Variants in ZC3H7A observed in about 807,000 individuals in gnomAD.
ZC3H7A encodes zinc finger CCCH domain-containing protein 7A.
ZC3H7A carries 44 observed loss-of-function variants against 125.5 expected under a neutral mutation model. That is an observed-to-expected ratio of 0.35 (90% CI 0.28 to 0.45). ZC3H7A has a LOEUF of 0.45. Ranked by LOEUF, ZC3H7A falls within the 20% of genes least tolerant of loss-of-function variation. The pLI is 1.00. For missense variants in ZC3H7A, 977 were observed against 1,170.7 expected (o/e 0.83, Z 2.41); for synonymous variants, 399 against 391.2 (o/e 1.02, Z -0.23).
At chr16:11,761,693 C>A in intron 18 of ZC3H7A, 182 bp from the exon 19 acceptor site, 1 of 838,406 alleles carries the variant, frequency 1.2e-6, no homozygotes, top group Non-Finnish European at 1.8e-6. Flanking sequence ...TCCCTACAAA[C>A]TCTAAACAAA....
intron 1 of ZC3H7A, among the ~76,000 whole-genome samples, chr16:11,790,383 T>C (rs1235718546): frequency 6.6e-6 from 1 of 152,232 alleles, no homozygotes; most frequent in Admixed American, 6.5e-5. Flanking sequence ...TCATACCCTC[T>C]GCTCATTTTT....
intron 22 of ZC3H7A, among the ~76,000 whole-genome samples, chr16:11,751,957 G>C (rs1211395177): frequency 6.9e-6 from 1 of 144,336 alleles, no homozygotes; most frequent in Non-Finnish European, 1.5e-5. Flanking sequence ...CCAGGCTGAA[G>C]TGCAGTAACG....
At chr16:11,781,537 A>G in intron 2 of ZC3H7A, 73 bp from the exon 3 acceptor site, 1 of 1,518,564 alleles carries the variant, frequency 6.6e-7, no homozygotes, top group Non-Finnish European at 9.1e-7. Context: ...AAGTCATCTT[A>G]AATCTGTGGT....
chr16:11,779,781 AGTGT>A (rs146599213), intron 3 of ZC3H7A, among the ~76,000 whole-genome samples: 2 of 151,600 alleles, frequency 1.3e-5, no homozygotes, highest in Non-Finnish European at 2.9e-5. Context: ...CACACTAGGT[AGTGT>A]GTGTGTGTGT....
intron 9 of ZC3H7A, among the ~76,000 whole-genome samples, chr16:11,771,314 G>A (rs1396006913): frequency 6.6e-6 from 1 of 151,894 alleles, no homozygotes; most frequent in Non-Finnish European, 1.5e-5. Flanking sequence ...CTTGAACCCA[G>A]GAGGCGGAGC....
chr16:11,790,543 T>C (rs1014607588), intron 1 of ZC3H7A, among the ~76,000 whole-genome samples: 3 of 152,148 alleles, frequency 2.0e-5, no homozygotes, highest in African/African-American at 2.4e-5. Context: ...TCGTCGTCGT[T>C]ATTATTGTTG....
intron 19 of ZC3H7A, 156 bp from the exon 20 acceptor site, chr16:11,758,695 T>G: frequency 1.7e-6 from 1 of 602,204 alleles, no homozygotes; most frequent in Non-Finnish European, 2.9e-6. Context: ...ATTAACTATA[T>G]GCTCTAAATA....
chr16:11,761,815 C>T, intron 18 of ZC3H7A, 95 bp downstream of exon 18: 9 of 1,529,580 alleles, frequency 5.9e-6, no homozygotes, highest in Non-Finnish European at 7.9e-6. Flanking sequence ...TCTCTCCTCT[C>T]TTCAAAGCCT....
At chr16:11,781,724 C>A (rs1391933523) in intron 2 of ZC3H7A, among the ~76,000 whole-genome samples, 1 of 151,450 alleles carries the variant, frequency 6.6e-6, no homozygotes, top group Non-Finnish European at 1.5e-5. Flanking sequence ...AAACCTACTT[C>A]TATTTTTTAA....
At position 11,767,589 on chromosome 16, in the gene ZC3H7A, T is replaced by C. The variant is rs1254536036; in HGVS notation, c.1361-11A>G. Reference sequence around the variant, plus strand: ...CCATTAACTTAGGGCCTGAAAAAGATGTAAAGAGGATTGCTTATATGCACA... The same window carrying C: ...CCATTAACTTAGGGCCTGAAAAAGACGTAAAGAGGATTGCTTATATGCACA... On this transcript the variant is annotated splice_polypyrimidine_tract_variant and intron_variant, in intron 12 of 22. Transcript: ENST00000355758. The C allele has an allele frequency of 6.4e-7, 1 of 1,552,890 alleles. No individual in the cohort carries two copies.
chr16:11,765,122 C>T lies in ZC3H7A; in HGVS notation c.1751G>A (p.Ser584Asn). ...KCFDHKPRMI[S>N]KRNKDNSTAC... Reference sequence around the variant, plus strand: ...AGTAGAATTATCTTTATTTCTTTTACTTATCATTCTAGGCTTATGATCAAA... The same window carrying T: ...AGTAGAATTATCTTTATTTCTTTTATTTATCATTCTAGGCTTATGATCAAA... Residue 584 changes from serine (S) to asparagine (N), a missense_variant, in exon 15 of 23, where the codon AGT (serine) becomes AAT (asparagine). Transcript: ENST00000355758. This position sits in a 1 kb window ranked among gnomAD's most constrained non-coding sequence, Gnocchi z 4.8. 1 of 1,586,594 alleles carries T rather than the reference C, an allele frequency of 6.3e-7. No individual in the cohort carries two copies. The highest frequency in any genetic ancestry group is 8.6e-7 in the Non-Finnish European group (1 of 1,167,940).
At chr16:11,764,468 G>T (rs1030501279) in intron 15 of ZC3H7A, among the ~76,000 whole-genome samples, 1 of 152,142 alleles carries the variant, frequency 6.6e-6, no homozygotes, top group Non-Finnish European at 1.5e-5. Context: ...AGAATCGCTT[G>T]AACTCGGGAG....
chr16:11,758,708 T>C (rs1597536682), intron 19 of ZC3H7A, 169 bp from the exon 20 acceptor site: 1 of 573,972 alleles, frequency 1.7e-6, no homozygotes, highest in Non-Finnish European at 3.0e-6. Flanking sequence ...TCTAAATATA[T>C]GAAATGATAT....
At chr16:11,766,264 T>C in intron 13 of ZC3H7A, among the ~76,000 whole-genome samples, 1 of 152,224 alleles carries the variant, frequency 6.6e-6, no homozygotes, top group East Asian at 1.9e-4. Flanking sequence ...GACAGTCTTC[T>C]GTTTAAAATC....
rs1417400370 is a variant in ZC3H7A, at chr16:11,776,916, T to C, written c.307-7A>G. ...AAACTTTATCATGGAAACCCTGGTG[T>C]GTAAGACCAAAGAATAAAGTCAGCA... On this transcript the variant is annotated splice_polypyrimidine_tract_variant and splice_region_variant and intron_variant, in intron 4 of 22. Transcript: ENST00000355758. 1 of 1,570,696 alleles carries C rather than the reference T, an allele frequency of 6.4e-7. No individual in the cohort carries two copies. The highest frequency in any genetic ancestry group is 8.6e-7 in the Non-Finnish European group (1 of 1,162,752).
At chr16:11,760,122 G>GAAAAAAAAAAAAT (rs2052722855) in intron 19 of ZC3H7A, among the ~76,000 whole-genome samples, 3 of 82,532 alleles carry the variant, frequency 3.6e-5, no homozygotes, top group Non-Finnish European at 6.4e-5. Flanking sequence ...AAGAAAAAAT[G>GAAAAAAAAAAAAT]AAAAAAAAAA....
chr16:11,775,327 C>T (rs1233082853), intron 7 of ZC3H7A, among the ~76,000 whole-genome samples: 17 of 150,484 alleles, frequency 1.1e-4, no homozygotes, highest in Admixed American at 1.1e-3. Context: ...GCTGAGATAG[C>T]GCCACTGCAC....
At chr16:11,784,953 G>A (rs1333438506) in intron 1 of ZC3H7A, among the ~76,000 whole-genome samples, 1 of 151,934 alleles carries the variant, frequency 6.6e-6, no homozygotes, top group Non-Finnish European at 1.5e-5. Context: ...GAGGTCAGGA[G>A]TTCCAGACCA....
At chr16:11,764,970 G>C in intron 15 of ZC3H7A, 83 bp downstream of exon 15, 1 of 908,138 alleles carries the variant, frequency 1.1e-6, no homozygotes, top group Non-Finnish European at 1.7e-6. Flanking sequence ...GCAATGCCTG[G>C]ACAGACATTA....
Sources: gnomAD v4.1 joint callset for allele counts (sites outside exome capture counted in the v4.1 genomes callset) on GRCh38, gnomAD v4.1.1 for gene constraint, Gnocchi (gnomAD v3.1) non-coding constraint, MANE v1.5 for transcripts, NCBI Gene and HGNC (gene_info 2026-07-23, HGNC 2026-07-21) for gene names.